OGG1: variants seen among roughly 807,000 people sequenced by gnomAD.
OGG1 encodes 8-oxoguanine DNA glycosylase, also known as N-glycosylase/DNA lyase.
A neutral mutation model predicts 42.3 loss-of-function variants in OGG1; 35 were observed. The observed-to-expected ratio is 0.83, with a 90% CI of 0.63 to 1.10. The LOEUF is 1.10. OGG1 is among the 50% of genes least tolerant of loss of function. OGG1 has a pLI of 0.00. For missense variants in OGG1, 484 were observed against 446.7 expected, an observed-to-expected ratio of 1.08 and a Z score of -0.75; for synonymous variants, 189 against 179.0, an observed-to-expected ratio of 1.06 and a Z score of -0.44.
At chr3:9,755,379 C>T (rs915604136) in intron 4 of OGG1, among the ~76,000 whole-genome samples, 14 of 151,196 alleles carry the variant, frequency 9.3e-5, no homozygotes, top group Non-Finnish European at 1.3e-4. Context: ...TTGTTCCTTT[C>T]GTAAAATGAC....
downstream of OGG1, chr3:9,757,905 T>C: frequency 6.4e-7 from 1 of 1,552,042 alleles, no homozygotes; most frequent in South Asian, 1.2e-5. The surrounding 1 kb of genome is among the most constrained non-coding windows in gnomAD (Gnocchi z 4.5). Context: ...AGTCAAGTCA[T>C]GGGGCAGGGG....
intron 3 of OGG1, among the ~76,000 whole-genome samples, chr3:9,786,312 G>A (rs9855611): frequency 0.017 from 2,639 of 152,234 alleles, 82 homozygotes; most frequent in African/African-American, 0.061. Flanking sequence ...CAAGGCCACC[G>A]TCAGCTGGGG....
At chr3:9,771,599 G>C (rs2078299882), downstream of OGG1, among the ~76,000 whole-genome samples, 1 of 152,042 alleles carries the variant, frequency 6.6e-6, no homozygotes, top group Admixed American at 6.6e-5. Flanking sequence ...GAGGGGTTAA[G>C]GGATCCATCT....
intron 3 of OGG1, among the ~76,000 whole-genome samples, chr3:9,753,013 A>C (rs888729422): frequency 4.6e-5 from 7 of 151,698 alleles, no homozygotes; most frequent in African/African-American, 1.2e-4. Flanking sequence ...AGACCACAGC[A>C]CTCCAGCCTG....
In OGG1 at chr3:9,755,446, C is replaced by A. The variant is rs1051653836; in HGVS notation, c.747+561C>A. On this transcript the variant is annotated intron_variant, in intron 4 of 6. Transcript: ENST00000344629. Reference sequence around the variant, plus strand: ...ATAGGGTTAACTGGCAATAAGATGACTGGAAATTAGGCATTTGTCTTTTTT... The same window carrying A: ...ATAGGGTTAACTGGCAATAAGATGAATGGAAATTAGGCATTTGTCTTTTTT... Among the ~76,000 whole-genome samples, 14 of 150,506 alleles carry A rather than the reference C, an allele frequency of 9.3e-5. 1 individual carries two copies. The highest frequency in any genetic ancestry group is 3.3e-4 in the Admixed American group (5 of 15,068).
chr3:9,765,923 C>G, exon 8 of OGG1: 1 of 1,614,148 alleles, frequency 6.2e-7, no homozygotes, highest in Non-Finnish European at 8.5e-7. Flanking sequence ...AGGTGAAGAA[C>G]TGGAACCCCA....
In OGG1 at chr3:9,786,934, C is replaced by T. The variant is rs2078628075; in HGVS notation, c.383-794C>T. 18 of 1,381,588 alleles carry T rather than the reference C, an allele frequency of 1.3e-5. No homozygotes were observed. In the South Asian group the frequency reaches 2.0e-4, roughly 15 times the overall value. 85.6% of individuals were successfully genotyped at this position (1,381,588 alleles called of 1,614,324 possible). ...CAACCTAATAAATGTATGATAAATTCCGATAAAAAATAAGCATAACACATT... is the reference window on the plus strand; with the variant it reads ...CAACCTAATAAATGTATGATAAATTTCGATAAAAAATAAGCATAACACATT... On this transcript the variant is annotated intron_variant, in intron 3 of 3. Transcript: ENST00000426518.
chr3:9,778,418 A>G (rs2078392205), intron 2 of OGG1, among the ~76,000 whole-genome samples: 1 of 152,148 alleles, frequency 6.6e-6, no homozygotes, highest in African/African-American at 2.4e-5. Context: ...GGCCTTTTTT[A>G]GTTACAAATC....
chr3:9,757,544 G>A (rs1299525314), downstream of OGG1: 1 of 1,613,134 alleles, frequency 6.2e-7, no homozygotes, highest in Non-Finnish European at 8.5e-7. This position sits in a 1 kb window ranked among gnomAD's most constrained non-coding sequence, Gnocchi z 4.5. Flanking sequence ...GGGCCCTAGA[G>A]CTGGTGGGGC....
chr3:9,750,570 T>C, intron 1 of OGG1, 147 bp downstream of exon 1: 1 of 1,024,152 alleles, frequency 9.8e-7, no homozygotes, highest in Non-Finnish European at 1.5e-6. Flanking sequence ...GCCAACCTGT[T>C]ACCTTTAATA....
downstream of OGG1, chr3:9,767,599 C>T: frequency 6.3e-7 from 1 of 1,597,504 alleles, no homozygotes; most frequent in East Asian, 2.2e-5. Context: ...ATTAATTGAC[C>T]AGAGGAAGCC....
chr3:9,786,915 A>G, intron 3 of OGG1: 1 of 1,242,158 alleles, frequency 8.1e-7, no homozygotes, highest in South Asian at 1.3e-5. Flanking sequence ...GCACCAACCT[A>G]ATAAATGTAT....
At chr3:9,780,662 G>A in intron 2 of OGG1, 1 of 1,138,394 alleles carries the variant, frequency 8.8e-7, no homozygotes, top group Non-Finnish European at 1.2e-6. Context: ...TGTGGATTGT[G>A]TCATACAGTC....
chr3:9,758,404 CCA>C (rs1220841040), downstream of OGG1: 1 of 154,792 alleles, frequency 6.5e-6, no homozygotes, highest in African/African-American at 2.4e-5. Context: ...CTGTTCCCAG[CCA>C]CAGTCTTGGG....
intron 1 of OGG1, 170 bp from the exon 2 acceptor site, chr3:9,750,775 A>G (rs2125528750): frequency 1.1e-6 from 1 of 879,626 alleles, no homozygotes; most frequent in East Asian, 2.6e-5. Context: ...ATGCCCGGTT[A>G]AATTTTTGTA....
At chr3:9,765,961 C>T (rs1197389182) in exon 8 of OGG1, 5 of 1,614,210 alleles carry the variant, frequency 3.1e-6, no homozygotes, top group Non-Finnish European at 4.2e-6. Flanking sequence ...CCTCCATTCC[C>T]TATGGGTTCT....
In OGG1 at chr3:9,756,819, G is replaced by A. The variant is rs1246836365; in HGVS notation, c.948+3G>A. The A allele has an allele frequency of 1.9e-6, 3 of 1,613,782 alleles. No homozygotes were observed. The highest frequency in any genetic ancestry group is 2.5e-6 in the Non-Finnish European group (3 of 1,179,996). On this transcript the variant is annotated splice_donor_region_variant and intron_variant, in intron 6 of 6. Coordinates refer to ENST00000344629, the MANE Select transcript of OGG1 (RefSeq NM_002542.6). ...CTTATGCTGGCTGGGCCCAAGCGGTGAGTGTACCTAGGTGTCCTCCCTAGG... is the reference window on the plus strand; with the variant it reads ...CTTATGCTGGCTGGGCCCAAGCGGTAAGTGTACCTAGGTGTCCTCCCTAGG...
rs781252214 is a variant in OGG1 at position 9,766,073 on chromosome 3, G to A, written c.*242G>A. 3 of 1,563,668 alleles carry A rather than the reference G, an allele frequency of 1.9e-6. No individual in the cohort carries two copies. In the South Asian group the frequency reaches 3.5e-5, roughly 18 times the overall value. On this transcript the variant is annotated 3_prime_UTR_variant, in exon 8 of 8. Coordinates refer to the OGG1 transcript ENST00000302008. The stretch of plus-strand genomic sequence containing the variant: ...CATGACCCAGGCCTGGCCAGTCAAA[G>A]TAGTCTCTCCCCTGGCCACAGTAAT...
intron 2 of OGG1, among the ~76,000 whole-genome samples, chr3:9,773,486 A>G (rs2125606504): frequency 6.6e-6 from 1 of 152,090 alleles, no homozygotes; most frequent in East Asian, 1.9e-4. Context: ...GCTTGCAGTG[A>G]GCAGAGACCA....
Sources: gnomAD v4.1 joint callset for allele counts (sites outside exome capture counted in the v4.1 genomes callset) on GRCh38, gnomAD v4.1.1 for gene constraint, Gnocchi (gnomAD v3.1) non-coding constraint, MANE v1.5 for transcripts, NCBI Gene and HGNC (gene_info 2026-07-23, HGNC 2026-07-21) for gene names.